The following SEC16B variants were observed in gnomAD, a reference collection of about 807,000 sequenced individuals.
SEC16B encodes the protein SEC16 homolog B, endoplasmic reticulum export factor.
Under a neutral mutation model 141.8 loss-of-function variants are expected in SEC16B, and 115 were observed. The observed-to-expected ratio is 0.81, with a 90% CI of 0.70 to 0.95. The LOEUF (loss-of-function observed/expected upper bound fraction) is 0.95. Among genes scored for constraint, SEC16B ranks in the 40% least tolerant of loss-of-function variants. The pLI, the probability that SEC16B is intolerant of heterozygous loss-of-function variation, is 0.00. For synonymous variants in SEC16B, 493 were observed against 492.5 expected (o/e 1.00, Z -0.01); for missense variants, 1,291 against 1,312.3 (o/e 0.98, Z 0.25).
intron 11 of SEC16B, 60 bp downstream of exon 11, chr1:177,954,218 TC>T: frequency 7.9e-7 from 1 of 1,265,396 alleles, no homozygotes; most frequent in Non-Finnish European, 1.1e-6. Context: ...ACCCTCATCC[TC>T]CACCTTTGGT....
At position 177,941,880 on chromosome 1, in the gene SEC16B, G is replaced by A. The variant is rs756714442; in HGVS notation, c.2022+20C>T. 6 of 1,612,250 alleles carry A rather than the reference G, an allele frequency of 3.7e-6. No homozygotes were observed. The highest frequency in any genetic ancestry group is 4.2e-6 in the Non-Finnish European group (5 of 1,179,156). The stretch of plus-strand genomic sequence containing the variant: ...ATAGTGAAGATAAAACAACTGCACA[G>A]AACCCTTTGAGAGGCTCACCTTGAT... On this transcript the variant is annotated intron_variant, in intron 16 of 25. Coordinates refer to ENST00000308284, the MANE Select transcript of SEC16B (RefSeq NM_033127.4).
chr1:177,942,970 C>A (rs746572784), intron 15 of SEC16B, among the ~76,000 whole-genome samples: 22 of 152,150 alleles, frequency 1.4e-4, no homozygotes, highest in Non-Finnish European at 3.1e-4. Context: ...GTACTGAGAA[C>A]AAACCGCATG....
intron 4 of SEC16B, 90 bp downstream of exon 4, chr1:177,964,957 G>A (rs1009986203): frequency 6.9e-7 from 1 of 1,455,026 alleles, no homozygotes; most frequent in Admixed American, 1.9e-5. Flanking sequence ...TTCTGGAGGT[G>A]AGATGGCAGC....
Position 177,937,204 on chromosome 1 carries a change from C to G in SEC16B, c.2503+10G>C, listed in dbSNP as rs1291109710. ...CATTCAATGTGGCCACCCTAGCGGC[C>G]AGGTCTTACCAGGGCCCAGGTGTGT... is the stretch of plus-strand genomic sequence containing the variant. On this transcript the variant is annotated intron_variant, in intron 19 of 25. Transcript: ENST00000308284. The G allele has an allele frequency of 6.2e-7, 1 of 1,600,672 alleles. No homozygotes were observed. Among genetic ancestry groups the G allele is most frequent in the East Asian group, 2.2e-5 (1 of 44,736 alleles).
In SEC16B at chr1:177,958,994, G is replaced by A; in HGVS notation, c.999-19C>T. 6.2e-7 allele frequency: 1 copy of A among 1,608,012 alleles called. No homozygotes were observed. Among genetic ancestry groups the A allele is most frequent in the Non-Finnish European group, 8.5e-7 (1 of 1,177,518 alleles). On this transcript the variant is annotated intron_variant, in intron 8 of 25. Transcript: ENST00000308284. ...ATCTTCCCTACATGGAAAAAATTTA[G>A]GGAGCAAAGAGTGAGCAGGCAGACA...
At chr1:177,980,459 C>G (rs1304750171) in intron 1 of SEC16B, among the ~76,000 whole-genome samples, 5 of 152,054 alleles carry the variant, frequency 3.3e-5, no homozygotes, top group Non-Finnish European at 5.9e-5. Context: ...TGGAAGGAAC[C>G]CAAAACAGTT....
In SEC16B at chr1:177,932,298, T is replaced by A. The variant is rs533430329; in HGVS notation, c.3012+192A>T. 2.6e-5 allele frequency among the ~76,000 whole-genome samples: 4 copies of A among 152,286 alleles called. No homozygotes were observed. In the East Asian group the frequency reaches 7.7e-4, roughly 29 times the overall value. On this transcript the variant is annotated intron_variant, in intron 24 of 25. Coordinates refer to ENST00000308284, the MANE Select transcript of SEC16B (RefSeq NM_033127.4). ...GACCTCAGCTTTCAGCCTGGAGAAC[T>A]GTGAGAAATTCGGTTTCTGTGGTCT...
chr1:177,960,400 T>C lies in SEC16B; in HGVS notation c.940A>G (p.Ile314Val). 6.3e-7 allele frequency: 1 copy of C among 1,590,738 alleles called. No homozygotes were observed. Among genetic ancestry groups the C allele is most frequent in the Non-Finnish European group, 8.6e-7 (1 of 1,164,536 alleles). Reference protein sequence around the residue: ...ALVELHSMEVILNDSEEQEEM... With the variant: ...ALVELHSMEVVLNDSEEQEEM... ...TCTTGCTCTTCGGAATCATTAAGAA[T>C]AACCTGGAATAAAACAATCAGATTT... is the stretch of plus-strand genomic sequence containing the variant. The change falls in exon 8 of 26, where the codon ATT (isoleucine) becomes GTT (valine). Residue 314 changes from isoleucine to valine, a missense_variant. Ile to Val is a conservative substitution (Grantham distance 29, BLOSUM62 3). This residue lies in a region of SEC16B where 681 missense variants were observed against 675.5 expected (regional missense o/e 1.01). Transcript: ENST00000308284.
chr1:177,953,851 C>T (rs976935049), intron 11 of SEC16B, among the ~76,000 whole-genome samples: 1 of 152,050 alleles, frequency 6.6e-6, no homozygotes, highest in African/African-American at 2.4e-5. Context: ...CCTGCTACCC[C>T]ACACCCCCAC....
At chr1:177,955,067 A>G (rs1035937725) in intron 10 of SEC16B, among the ~76,000 whole-genome samples, 16 of 152,192 alleles carry the variant, frequency 1.1e-4, no homozygotes, top group African/African-American at 2.9e-4. Context: ...GAGCTCCAAC[A>G]AATCAATAAG....
At position 177,967,929 on chromosome 1, in the gene SEC16B, G is replaced by T. The variant is rs1557992795; in HGVS notation, c.53C>A (p.Ala18Glu). ...RLPQTRGKAT[A>E]PSKDPDRGFR... ...CCCTCGGTCTGGATCCTTTGAGGGTGCTGTGGCCTTCCCTCGTGTCTGGGG... is the reference window on the plus strand; with the variant it reads ...CCCTCGGTCTGGATCCTTTGAGGGTTCTGTGGCCTTCCCTCGTGTCTGGGG... Residue 18 changes from alanine to glutamate, a missense_variant, in exon 2 of 26, where the codon GCA becomes GAA. Physicochemically the swap from Ala to Glu is moderately radical, Grantham distance 107. Around this residue, in one of 3 missense-constraint regions of SEC16B, gnomAD observed 681 missense variants for 675.5 expected, o/e 1.01. Coordinates refer to ENST00000308284, the MANE Select transcript of SEC16B (RefSeq NM_033127.4). The T allele has an allele frequency of 5.6e-6, 9 of 1,613,782 alleles. No individual in the cohort carries two copies. The South Asian group carries it at 6.6e-5, about 12-fold the overall frequency.
At chr1:177,946,893 C>T (rs1483125788) in intron 13 of SEC16B, among the ~76,000 whole-genome samples, 2 of 152,162 alleles carry the variant, frequency 1.3e-5, no homozygotes, top group African/African-American at 2.4e-5. Context: ...TGAGAGTGGT[C>T]GTTCTTAAAC....
intron 11 of SEC16B, among the ~76,000 whole-genome samples, chr1:177,952,521 G>A (rs971766039): frequency 9.9e-5 from 15 of 152,176 alleles, no homozygotes; most frequent in African/African-American, 2.4e-4. Flanking sequence ...CCAAAGAGGC[G>A]TGGAACAGGG....
chr1:177,960,267 C>T (rs1652952909), intron 8 of SEC16B, 75 bp downstream of exon 8: 9 of 972,702 alleles, frequency 9.3e-6, no homozygotes, highest in Non-Finnish European at 1.4e-5. Context: ...GAACAAATCT[C>T]CAAAATGCTG....
chr1:177,936,072 C>T (rs1318467549), intron 20 of SEC16B, among the ~76,000 whole-genome samples: 2 of 152,194 alleles, frequency 1.3e-5, no homozygotes, highest in Non-Finnish European at 2.9e-5. Context: ...CTCAGTTGCT[C>T]CCTCTCTCCC....
At chr1:177,943,834 A>T (rs1651466917) in intron 15 of SEC16B, among the ~76,000 whole-genome samples, 1 of 152,134 alleles carries the variant, frequency 6.6e-6, no homozygotes, top group South Asian at 2.1e-4. Context: ...CACCACTCTC[A>T]TCCCATTTTA....
At chr1:177,933,756 T>C in intron 20 of SEC16B, 120 bp from the exon 21 acceptor site, 1 of 1,015,384 alleles carries the variant, frequency 9.8e-7, no homozygotes, top group Non-Finnish European at 1.5e-6. Context: ...CAGGATCATA[T>C]TGTACTGAAG....
At chr1:177,946,303 C>G (rs1053481974) in intron 14 of SEC16B, 117 bp downstream of exon 14, 5 of 798,676 alleles carry the variant, frequency 6.3e-6, no homozygotes, top group Middle Eastern at 2.2e-4. Context: ...AATAAGGGAG[C>G]CGGCGGTAGC....
At chr1:177,959,367 A>G in intron 8 of SEC16B, 1 of 254,924 alleles carries the variant, frequency 3.9e-6, no homozygotes, top group Non-Finnish European at 7.7e-6. Context: ...GGACAGTAAA[A>G]GGACCTACCT....
Sources: allele counts gnomAD v4.1 joint callset (sites outside exome capture counted in the v4.1 genomes callset), GRCh38; gene constraint gnomAD v4.1.1; regional missense constraint gnomAD v4.1.1; transcripts MANE v1.5; gene names NCBI Gene and HGNC (gene_info 2026-07-23, HGNC 2026-07-21).